CDH5: variants seen among roughly 807,000 people sequenced by gnomAD.
The protein encoded by CDH5 is cadherin 5.
CDH5 carries 28 observed loss-of-function variants against 62.0 expected under a neutral mutation model. That is an observed-to-expected ratio of 0.45 (90% CI 0.33 to 0.62). The LOEUF is 0.62. Ranked by LOEUF, CDH5 falls within the 20% of genes least tolerant of loss-of-function variation. The pLI, the probability that CDH5 is intolerant of heterozygous loss-of-function variation, is 0.02. For synonymous variants in CDH5, 464 were observed against 445.8 expected (o/e 1.04, Z -0.52); for missense variants, 940 against 1,065.1 (o/e 0.88, Z 1.63).
Position 66,379,564 on chromosome 16 carries a change from A to G in CDH5, c.210+17A>G. The G allele has an allele frequency of 6.2e-7, 1 of 1,611,494 alleles. No individual in the cohort carries two copies. On this transcript the variant is annotated intron_variant, in intron 2 of 11. Coordinates refer to ENST00000341529, the MANE Select transcript of CDH5 (RefSeq NM_001795.5). ...GTAGGCAAGGTAAGGCTCAAGCCCC[A>G]GGACAGGAGAAGCCATCAGCAGCTG...
intron 3 of CDH5, 91 bp from the exon 4 acceptor site, chr16:66,388,233 G>A (rs898426910): frequency 2.6e-5 from 21 of 805,556 alleles, no homozygotes; most frequent in Non-Finnish European, 3.8e-5. Flanking sequence ...TGGGGACAGA[G>A]CACAGCCTGA....
At chr16:66,397,889 G>C (rs1248923082) in intron 8 of CDH5, 93 bp from the exon 9 acceptor site, 3 of 1,465,522 alleles carry the variant, frequency 2.0e-6, no homozygotes, top group Non-Finnish European at 2.8e-6. Context: ...GCAAAAAGTG[G>C]CCTCCATAGG....
chr16:66,402,652 T>A lies in CDH5; in HGVS notation c.1838T>A (p.Val613Glu). 1 of 1,582,820 alleles carries A rather than the reference T, an allele frequency of 6.3e-7. No individual in the cohort carries two copies. The highest frequency in any genetic ancestry group is 8.6e-7 in the Non-Finnish European group (1 of 1,166,580). The change falls in exon 12 of 12, where the codon GTG becomes GAG. Residue 613 changes from valine (V) to glutamate (E), a missense_variant and splice_region_variant. Physicochemically the swap from Val to Glu is moderately radical, Grantham distance 121. Transcript: ENST00000341529. ...AILLCILTITVITLLIFLRRR... is the reference protein window; with the variant it reads ...AILLCILTITEITLLIFLRRR... ...CTGCTGCTCGGCTCCCTGGCTGCAG[T>A]GATCACCCTGCTCATCTTCCTGCGG...
At chr16:66,390,702 C>A in intron 6 of CDH5, 112 bp downstream of exon 6, 2 of 985,568 alleles carry the variant, frequency 2.0e-6, no homozygotes, top group Non-Finnish European at 3.0e-6. Flanking sequence ...ACCATCAAAG[C>A]TCCAAGGTGG....
intron 7 of CDH5, chr16:66,392,621 C>A (rs1388444636): frequency 3.7e-6 from 2 of 547,342 alleles, no homozygotes. Flanking sequence ...TGTCCTCTGT[C>A]CGGCCTTGAA....
At position 66,387,078 on chromosome 16, in the gene CDH5, G is replaced by C. The variant is rs756215932; in HGVS notation, c.480G>C (p.Val160=). 3.1e-6 allele frequency: 5 copies of C among 1,611,910 alleles called. No individual in the cohort carries two copies. The African/African-American group carries it at 4.0e-5, about 13-fold the overall frequency. Residue 160 remains valine, a synonymous_variant, in exon 3 of 12, where the codon GTG becomes GTC. Transcript: ENST00000341529. The part of the protein sequence containing the change: ...VFTHRLFNAS[V]PESSAVGTSV... ...CGCATCGGTTGTTCAATGCGTCCGT[G>C]CCTGAGTCGTCGGCTGTGGGTACGT...
At position 66,392,296 on chromosome 16, in the gene CDH5, A is replaced by T. The variant is rs774094819; in HGVS notation, c.1130A>T (p.Tyr377Phe). ...DEPPIFQQPF[Y>F]HFQLKENQKK... ...CCCCCCATTTTCCAGCAGCCTTTCT[A>T]CCACTTCCAGCTGAAGGAAAACCAG... Residue 377 changes from tyrosine to phenylalanine, a missense_variant, in exon 7 of 12, where the codon TAC (tyrosine) becomes TTC (phenylalanine). By Grantham distance (22) the Tyr-to-Phe change is conservative. Coordinates refer to ENST00000341529, the MANE Select transcript of CDH5 (RefSeq NM_001795.5). 20 of 1,614,028 alleles carry T rather than the reference A, an allele frequency of 1.2e-5. No individual in the cohort carries two copies. In the East Asian group the frequency reaches 4.5e-4, roughly 36 times the overall value.
At position 66,403,025 on chromosome 16, in the gene CDH5, G is replaced by A; in HGVS notation, c.2211G>A (p.Glu737=). The A allele has an allele frequency of 1.9e-6, 3 of 1,613,320 alleles. No individual in the cohort carries two copies. The highest frequency in any genetic ancestry group is 2.2e-5 in the South Asian group (2 of 90,954). Residue 737 remains glutamate, a synonymous_variant, in exon 12 of 12, where the codon GAG becomes GAA. Transcript: ENST00000341529. This position sits in a 1 kb window ranked among gnomAD's most constrained non-coding sequence, Gnocchi z 4.3. ...TLHIYGYEGS[E]SIAESLSSLG... is the part of the protein sequence containing the mutation. ...ACATCTACGGCTACGAGGGCTCCGA[G>A]TCCATAGCCGAGTCCCTCAGCTCCC...
chr16:66,372,997 G>C (rs761952817), intron 1 of CDH5, among the ~76,000 whole-genome samples: 1 of 152,102 alleles, frequency 6.6e-6, no homozygotes, highest in African/African-American at 2.4e-5. Context: ...ACCTGGCCTC[G>C]GCGTGCTCAG....
chr16:66,400,888 C>T lies in CDH5; in HGVS notation c.1709C>T (p.Thr570Met), dbSNP rs147993570. 2.0e-5 allele frequency: 33 copies of T among 1,614,098 alleles called. No individual in the cohort carries two copies. Among genetic ancestry groups the T allele is most frequent in the African/African-American group, 1.6e-4 (12 of 74,950 alleles). ...NGMPSRTGTS[T>M]LTVAVCKCNE... Reference sequence around the variant, plus strand: ...ATGCCAAGTCGCACGGGCACCAGCACGCTGACCGTGGCCGTGTGCAAGTGC... The same window carrying T: ...ATGCCAAGTCGCACGGGCACCAGCATGCTGACCGTGGCCGTGTGCAAGTGC... Residue 570 changes from threonine to methionine, a missense_variant, in exon 11 of 12, where the codon ACG (threonine) becomes ATG (methionine). By Grantham distance (81) the Thr-to-Met change is moderately conservative. Coordinates refer to ENST00000341529, the MANE Select transcript of CDH5 (RefSeq NM_001795.5).
rs1323453816 is a variant in CDH5 at position 66,403,970 on chromosome 16, G to C, written c.*801G>C. On this transcript the variant is annotated 3_prime_UTR_variant, in exon 12 of 12. Transcript: ENST00000341529. This position sits in a 1 kb window ranked among gnomAD's most constrained non-coding sequence, Gnocchi z 4.3. ...CACCTCCACACCCACCCCCTCTGGA[G>C]AAGGCCTGGAAGAGCTGAGACCTTG... 2.0e-5 allele frequency: 3 copies of C among 152,764 alleles called. No homozygotes were observed. The highest frequency in any genetic ancestry group is 7.2e-5 in the African/African-American group (3 of 41,462). The allele number at this position is 152,764 out of a possible 1,614,324, so 9.5% of individuals were successfully genotyped here. A position where few individuals can be genotyped will look rare whatever the true frequency, so the allele number is the denominator to read the frequency against.
At chr16:66,386,781 C>T (rs1173539547) in intron 2 of CDH5, 28 bp from the exon 3 acceptor site, 2 of 1,563,328 alleles carry the variant, frequency 1.3e-6, no homozygotes. Flanking sequence ...CCGCCCATTC[C>T]CAGCTCACGT....
chr16:66,388,327 C>A lies in CDH5; in HGVS notation c.503C>A (p.Thr168Asn), dbSNP rs768329673. ...ASVPESSAVG[T>N]SVISVTAVDA... Reference sequence around the variant, plus strand: ...CCCCAGGATTCTCTCTCTGCAGGGACCTCAGTCATCTCTGTGACAGCAGTG... The same window carrying A: ...CCCCAGGATTCTCTCTCTGCAGGGAACTCAGTCATCTCTGTGACAGCAGTG... The change falls in exon 4 of 12, where the codon ACC (threonine) becomes AAC (asparagine). Residue 168 changes from threonine to asparagine, a missense_variant. By Grantham distance (65) the Thr-to-Asn change is moderately conservative. Coordinates refer to ENST00000341529, the MANE Select transcript of CDH5 (RefSeq NM_001795.5). 11 of 1,607,738 alleles carry A rather than the reference C, an allele frequency of 6.8e-6. No individual in the cohort carries two copies. The African/African-American group carries it at 1.1e-4, about 16-fold the overall frequency.
In CDH5 at chr16:66,390,451, T is replaced by G; in HGVS notation, c.830T>G (p.Val277Gly). 1 of 1,614,152 alleles carries G rather than the reference T, an allele frequency of 6.2e-7. No homozygotes were observed. The highest frequency in any genetic ancestry group is 8.5e-7 in the Non-Finnish European group (1 of 1,180,016). ...GAAGACACCCGTGTGGGCACCTCTG[T>G]GGGCTCTCTGTTTGTTGAGGACCCA... ...VPEDTRVGTSVGSLFVEDPDE... is the reference protein window; with the variant it reads ...VPEDTRVGTSGGSLFVEDPDE... The change falls in exon 6 of 12, where the codon GTG (valine) becomes GGG (glycine). Residue 277 changes from valine to glycine, a missense_variant. Val to Gly is a moderately radical substitution (Grantham distance 109). Coordinates refer to ENST00000341529, the MANE Select transcript of CDH5 (RefSeq NM_001795.5).
rs370171846 is a variant in CDH5 at position 66,402,872 on chromosome 16, G to A, written c.2058G>A (p.Ala686=). ...TGGACGCCCGGCCTTCCCTCTATGC[G>A]CAGGTGCAGAAGCCACCGAGGCACG... ...PALDARPSLY[A]QVQKPPRHAP... Residue 686 remains alanine (A), a synonymous_variant, in exon 12 of 12, where the codon GCG becomes GCA. Transcript: ENST00000341529. 4.6e-5 allele frequency: 74 copies of A among 1,608,048 alleles called. No homozygotes were observed. The highest frequency in any genetic ancestry group is 1.1e-4 in the African/African-American group (8 of 74,872).
chr16:66,400,606 G>A (rs1961262498), intron 10 of CDH5, among the ~76,000 whole-genome samples, 165 bp from the exon 11 acceptor site: 1 of 152,226 alleles, frequency 6.6e-6, no homozygotes, highest in Admixed American at 6.5e-5. Context: ...TGGCGGAACA[G>A]ACCTGCACTC....
At chr16:66,393,481 T>G (rs1427494664) in intron 7 of CDH5, among the ~76,000 whole-genome samples, 1 of 152,192 alleles carries the variant, frequency 6.6e-6, no homozygotes, top group Non-Finnish European at 1.5e-5. Context: ...GGAAGGGAGT[T>G]GTTACACACT....
rs202140817 is a variant in CDH5, at chr16:66,400,833, T to C, written c.1654T>C (p.Phe552Leu). The C allele has an allele frequency of 1.2e-5, 20 of 1,614,200 alleles. No individual in the cohort carries two copies. The highest frequency in any genetic ancestry group is 1.6e-5 in the Non-Finnish European group (19 of 1,180,028). Residue 552 changes from phenylalanine to leucine, a missense_variant, in exon 11 of 12, where the codon TTC becomes CTC. By Grantham distance (22) the Phe-to-Leu change is conservative. Coordinates refer to ENST00000341529, the MANE Select transcript of CDH5 (RefSeq NM_001795.5). The stretch of plus-strand genomic sequence containing the variant: ...TGACCGGGAGCATACCAAGGTCCAC[T>C]TCCTACCCGTGGTCATCTCAGACAA... ...QFDREHTKVH[F>L]LPVVISDNGM...
chr16:66,373,944 A>C (rs1038050657), intron 1 of CDH5, among the ~76,000 whole-genome samples: 1 of 152,184 alleles, frequency 6.6e-6, no homozygotes, highest in Non-Finnish European at 1.5e-5. Context: ...AAGCACCGAG[A>C]ATAGTTCATT....
Sources: allele counts gnomAD v4.1 joint callset (sites outside exome capture counted in the v4.1 genomes callset), GRCh38; gene constraint gnomAD v4.1.1; non-coding constraint Gnocchi (gnomAD v3.1); transcripts MANE v1.5; gene names NCBI Gene and HGNC (gene_info 2026-07-23, HGNC 2026-07-21).